Variants in SLC2A10 observed in about 807,000 individuals in gnomAD.
The protein encoded by SLC2A10 is solute carrier family 2, facilitated glucose transporter member 10.
In SLC2A10, 25 loss-of-function variants were observed where a neutral mutation model predicts 32.1. The observed-to-expected ratio is 0.78, with a 90% CI of 0.57 to 1.09. The LOEUF is 1.09. Ranked by LOEUF, SLC2A10 falls within the 50% of genes least tolerant of loss-of-function variation. The pLI is 0.00. For synonymous variants in SLC2A10, 332 were observed against 309.6 expected, an observed-to-expected ratio of 1.07 and a Z score of -0.76; for missense variants, 673 against 686.5, an observed-to-expected ratio of 0.98 and a Z score of 0.22.
intron 4 of SLC2A10, 127 bp downstream of exon 4, chr20:46,729,615 G>T: frequency 1.4e-6 from 1 of 695,870 alleles, no homozygotes; most frequent in Non-Finnish European, 2.3e-6. Context: ...TTATTGCCTG[G>T]GCACTATGAG....
At position 46,725,653 on chromosome 20, in the gene SLC2A10, C is replaced by T. The variant is rs879052180; in HGVS notation, c.617C>T (p.Ala206Val). Residue 206 changes from alanine to valine, a missense_variant, in exon 2 of 5, where the codon GCC becomes GTC. Coordinates refer to ENST00000359271, the MANE Select transcript of SLC2A10 (RefSeq NM_030777.4). Reference protein sequence around the residue: ...KDLIPLQGGEAPKLGPGRPRY... With the variant: ...KDLIPLQGGEVPKLGPGRPRY... ...CTCATCCCACTCCAGGGAGGTGAGGCCCCCAAGCTGGGCCCGGGGAGGCCA... is the reference window on the plus strand; with the variant it reads ...CTCATCCCACTCCAGGGAGGTGAGGTCCCCAAGCTGGGCCCGGGGAGGCCA... 4 of 1,613,982 alleles carry T rather than the reference C, an allele frequency of 2.5e-6. No individual in the cohort carries two copies. Among genetic ancestry groups the T allele is most frequent in the Admixed American group, 1.7e-5 (1 of 60,024 alleles).
rs948442207 is a variant in SLC2A10, at chr20:46,727,961, C to A, written c.1411+975C>A. Reference sequence around the variant, plus strand: ...GGAAACCCCAGTGGAAGAACCCCCCCTATCATGGCTGTCTTCCAACCCCAG... The same window carrying A: ...GGAAACCCCAGTGGAAGAACCCCCCATATCATGGCTGTCTTCCAACCCCAG... On this transcript the variant is annotated intron_variant, in intron 3 of 4. Transcript: ENST00000359271. Among the ~76,000 whole-genome samples the A allele has an allele frequency of 5.3e-5, 8 of 149,990 alleles. No individual in the cohort carries two copies. The East Asian group carries it at 6.0e-4, about 11-fold the overall frequency.
At chr20:46,713,869 G>A (rs891833521) in intron 1 of SLC2A10, among the ~76,000 whole-genome samples, 3 of 152,116 alleles carry the variant, frequency 2.0e-5, no homozygotes, top group Non-Finnish European at 4.4e-5. Flanking sequence ...GCCCTCCTTA[G>A]TTGAATATGG....
intron 1 of SLC2A10, among the ~76,000 whole-genome samples, chr20:46,713,962 C>T (rs1979077794): frequency 6.6e-6 from 1 of 152,124 alleles, no homozygotes; most frequent in Non-Finnish European, 1.5e-5. Context: ...TGGTCAGGAA[C>T]TCCCTCAAAC....
intron 1 of SLC2A10, among the ~76,000 whole-genome samples, chr20:46,722,315 T>C (rs1258818936): frequency 6.6e-6 from 1 of 152,122 alleles, no homozygotes; most frequent in Non-Finnish European, 1.5e-5. Context: ...ACAAATCCAG[T>C]CTTGCAGAAA....
At chr20:46,711,431 T>C (rs1169578683) in intron 1 of SLC2A10, among the ~76,000 whole-genome samples, 1 of 152,076 alleles carries the variant, frequency 6.6e-6, no homozygotes, top group Non-Finnish European at 1.5e-5. Context: ...TGGTGACCAG[T>C]TCCGGCTCTG....
chr20:46,715,774 A>G (rs948518992), intron 1 of SLC2A10, among the ~76,000 whole-genome samples: 2 of 152,224 alleles, frequency 1.3e-5, no homozygotes, highest in African/African-American at 4.8e-5. Flanking sequence ...AGTCAAGAGT[A>G]GGGACTGTGG....
At chr20:46,731,367 G>C (rs1400346853) in intron 4 of SLC2A10, among the ~76,000 whole-genome samples, 1 of 152,188 alleles carries the variant, frequency 6.6e-6, no homozygotes, top group East Asian at 1.9e-4. Flanking sequence ...ATGCAGGGGA[G>C]GCCAAGAAAT....
At chr20:46,730,537 A>G (rs1376026804) in intron 4 of SLC2A10, among the ~76,000 whole-genome samples, 1 of 152,078 alleles carries the variant, frequency 6.6e-6, no homozygotes, top group Non-Finnish European at 1.5e-5. Flanking sequence ...TGAGGGGAGG[A>G]GCATTCTAAG....
chr20:46,728,439 C>T (rs940205015), intron 3 of SLC2A10, among the ~76,000 whole-genome samples: 2 of 152,072 alleles, frequency 1.3e-5, no homozygotes, highest in Non-Finnish European at 2.9e-5. Flanking sequence ...CCCATCTTGG[C>T]TGCTGGTTCT....
chr20:46,709,799 C>T, intron 1 of SLC2A10, 59 bp downstream of exon 1: 2 of 1,539,804 alleles, frequency 1.3e-6, no homozygotes, highest in Non-Finnish European at 1.8e-6. Context: ...GGTGTAGACA[C>T]CGCCCCCACG....
intron 4 of SLC2A10, 147 bp from the exon 5 acceptor site, chr20:46,733,609 G>A: frequency 2.8e-6 from 2 of 721,216 alleles, no homozygotes; most frequent in Non-Finnish European, 2.5e-6. Context: ...AGAGAAGGTG[G>A]ACATTTGTAA....
chr20:46,729,288 T>C, intron 3 of SLC2A10, 65 bp from the exon 4 acceptor site: 2 of 1,604,836 alleles, frequency 1.2e-6, no homozygotes, highest in Admixed American at 1.7e-5. Context: ...AACCTACCAG[T>C]TGGCCCAGGC....
At chr20:46,719,844 T>C (rs1163897569) in intron 1 of SLC2A10, among the ~76,000 whole-genome samples, 1 of 152,146 alleles carries the variant, frequency 6.6e-6, no homozygotes, top group Non-Finnish European at 1.5e-5. Flanking sequence ...ACTGAACTCT[T>C]CCAAGAGCCA....
intron 1 of SLC2A10, among the ~76,000 whole-genome samples, chr20:46,720,525 C>T (rs1286521508): frequency 6.6e-6 from 1 of 152,070 alleles, no homozygotes; most frequent in Admixed American, 6.5e-5. Context: ...GCCAATGGTC[C>T]ATTTGGATAT....
chr20:46,713,625 A>T (rs1174319335), intron 1 of SLC2A10, among the ~76,000 whole-genome samples: 1 of 152,226 alleles, frequency 6.6e-6, no homozygotes, highest in Admixed American at 6.5e-5. Flanking sequence ...GAGGGCTCCT[A>T]GTGGAAGAGT....
At chr20:46,731,613 A>G (rs1980303390) in intron 4 of SLC2A10, among the ~76,000 whole-genome samples, 1 of 152,134 alleles carries the variant, frequency 6.6e-6, no homozygotes, top group Admixed American at 6.5e-5. Context: ...GGGGGAGCCA[A>G]GGCCAGCCCT....
intron 1 of SLC2A10, among the ~76,000 whole-genome samples, chr20:46,712,923 G>A (rs1044078632): frequency 7.3e-5 from 11 of 151,612 alleles, no homozygotes; most frequent in African/African-American, 2.2e-4. Context: ...CCAAAGTATT[G>A]GGATTATAGG....
chr20:46,733,905 C>A lies in SLC2A10; in HGVS notation c.*71C>A. On this transcript the variant is annotated 3_prime_UTR_variant, in exon 5 of 5. Transcript: ENST00000359271. ...CATCTCCAGCATCCTGCTTCCTAGG[C>A]CCCAGAGCACAAGTTCCAGCTGGTC... 1.4e-6 allele frequency: 2 copies of A among 1,441,700 alleles called. No homozygotes were observed. Among genetic ancestry groups the A allele is most frequent in the Non-Finnish European group, 1.9e-6 (2 of 1,032,280 alleles). The allele number at this position is 1,441,700 out of a possible 1,614,324, so 89.3% of individuals were successfully genotyped here.
Sources: allele counts gnomAD v4.1 joint callset (sites outside exome capture counted in the v4.1 genomes callset), GRCh38; gene constraint gnomAD v4.1.1; transcripts MANE v1.5; gene names NCBI Gene and HGNC (gene_info 2026-07-23, HGNC 2026-07-21).